Variants in NNT observed in about 807,000 individuals in gnomAD.
NNT encodes NAD(P) transhydrogenase, mitochondrial.
In NNT, 50 loss-of-function variants were observed where a neutral mutation model predicts 104.8. The ratio of observed to expected loss-of-function variants is 0.48; its 90% CI spans 0.38 to 0.60. NNT has a LOEUF of 0.60. Among genes scored for constraint, NNT ranks in the 20% least tolerant of loss-of-function variants. The pLI is 0.00. For synonymous variants in NNT, 461 were observed against 490.4 expected, an observed-to-expected ratio of 0.94 and a Z score of 0.79; for missense variants, 1,131 against 1,330.7, an observed-to-expected ratio of 0.85 and a Z score of 2.33.
intron 2 of NNT, among the ~76,000 whole-genome samples, chr5:43,612,627 A>G (rs1324755404): frequency 6.6e-6 from 1 of 152,096 alleles, no homozygotes; most frequent in Non-Finnish European, 1.5e-5. Context: ...TTTTTCTCCT[A>G]CAAATCAACT....
intron 7 of NNT, among the ~76,000 whole-genome samples, chr5:43,628,932 A>G (rs1044049644): frequency 2.0e-5 from 3 of 146,524 alleles, no homozygotes; most frequent in South Asian, 2.1e-4. Flanking sequence ...CTGTGTGTAC[A>G]ATGTTTTTTT....
Position 43,653,132 on chromosome 5 carries a change from G to T in NNT, c.1978G>T (p.Ala660Ser). The T allele has an allele frequency of 1.2e-6, 2 of 1,614,142 alleles. No homozygotes were observed. The highest frequency in any genetic ancestry group is 1.7e-6 in the Non-Finnish European group (2 of 1,180,040). The change falls in exon 14 of 22, where the codon GCA (alanine) becomes TCA (serine). Residue 660 changes from alanine to serine, a missense_variant. By Grantham distance (99) the Ala-to-Ser change is moderately conservative. Coordinates refer to ENST00000344920, the MANE Select transcript of NNT (RefSeq NM_182977.3). ...LGMIGVAGGL[A>S]ATLGVLKPGP... Reference sequence around the variant, plus strand: ...CATGATTGGGGTTGCTGGAGGACTGGCAGCCACCCTCGGAGTCCTAAAACC... The same window carrying T: ...CATGATTGGGGTTGCTGGAGGACTGTCAGCCACCCTCGGAGTCCTAAAACC...
At chr5:43,679,094 T>C (rs34079397) in intron 19 of NNT, among the ~76,000 whole-genome samples, 5,142 of 152,322 alleles carry the variant, frequency 0.034, 135 homozygotes, top group East Asian at 0.12. Flanking sequence ...TAAATTTTTG[T>C]ATAAGAAGTC....
At chr5:43,683,662 G>A (rs936167902) in intron 19 of NNT, among the ~76,000 whole-genome samples, 1 of 152,112 alleles carries the variant, frequency 6.6e-6, no homozygotes, top group Non-Finnish European at 1.5e-5. Flanking sequence ...TCATTTTATT[G>A]AGCTCATTAG....
intron 7 of NNT, among the ~76,000 whole-genome samples, chr5:43,636,849 A>T (rs1309467972): frequency 6.6e-6 from 1 of 152,170 alleles, no homozygotes; most frequent in Non-Finnish European, 1.5e-5. Flanking sequence ...AATCCTTTCA[A>T]AATTTTTATA....
chr5:43,654,711 A>G (rs1195225593), intron 14 of NNT, among the ~76,000 whole-genome samples: 1 of 152,206 alleles, frequency 6.6e-6, no homozygotes. Flanking sequence ...ATTATTTGAA[A>G]ATTGTGTGCT....
intron 17 of NNT, among the ~76,000 whole-genome samples, chr5:43,672,878 A>G (rs1212144471): frequency 5.9e-5 from 9 of 152,206 alleles, no homozygotes; most frequent in Non-Finnish European, 7.4e-5. Flanking sequence ...CCCTGCCCCC[A>G]GAGGTGGAGT....
chr5:43,667,318 A>G (rs956119222), intron 17 of NNT: 4 of 607,120 alleles, frequency 6.6e-6, no homozygotes, highest in African/African-American at 3.7e-5. Context: ...CATGTGCACA[A>G]CGTGCAGGTT....
intron 7 of NNT, among the ~76,000 whole-genome samples, chr5:43,634,090 A>G (rs1750814892): frequency 6.6e-6 from 1 of 152,148 alleles, no homozygotes; most frequent in South Asian, 2.1e-4. Context: ...GGGTGGCCAT[A>G]CTTTTTGTTT....
chr5:43,673,246 C>T lies in NNT; in HGVS notation c.2635-2265C>T, dbSNP rs908535004. Among the ~76,000 whole-genome samples, 4 of 152,214 alleles carry T rather than the reference C, an allele frequency of 2.6e-5. No individual in the cohort carries two copies. In the South Asian group the frequency reaches 6.2e-4, roughly 24 times the overall value. On this transcript the variant is annotated intron_variant, in intron 17 of 21. Transcript: ENST00000344920. ...CTTGTGCTTCCCAGGTGAGGCAATG[C>T]CTCGCCCTGCTTTGGCTCACGCTTG...
At chr5:43,695,959 T>A (rs1366982519) in intron 19 of NNT, among the ~76,000 whole-genome samples, 1 of 152,140 alleles carries the variant, frequency 6.6e-6, no homozygotes, top group Admixed American at 6.5e-5. Context: ...CACACGGGAA[T>A]TCAAGATGAC....
chr5:43,656,706 G>A lies in NNT; in HGVS notation c.2347G>A (p.Gly783Ser). ...LLPGRHLLNA[G>S]LLAASVGGII... is the part of the protein sequence containing the mutation. ...GCCTGGAAGGCACTTACTCAATGCA[G>A]GCTTACTGGCTGCTAGTGTGGGCGG... Residue 783 changes from glycine (G) to serine (S), a missense_variant, in exon 16 of 22, where the codon GGC becomes AGC. Physicochemically the swap from Gly to Ser is moderately conservative, Grantham distance 56. Transcript: ENST00000344920. 1 of 1,614,176 alleles carries A rather than the reference G, an allele frequency of 6.2e-7. No individual in the cohort carries two copies. The highest frequency in any genetic ancestry group is 1.3e-5 in the African/African-American group (1 of 75,052).
At chr5:43,627,787 G>T (rs567188082) in intron 6 of NNT, among the ~76,000 whole-genome samples, 298 of 152,132 alleles carry the variant, frequency 2.0e-3, no homozygotes, top group Non-Finnish European at 2.7e-3. Context: ...ATTTTTGTGG[G>T]AAAGGTCTCT....
In NNT at chr5:43,653,034, C is replaced by T. The variant is rs41271081; in HGVS notation, c.1880C>T (p.Ser627Leu). 35 of 1,612,490 alleles carry T rather than the reference C, an allele frequency of 2.2e-5. No homozygotes were observed. The highest frequency in any genetic ancestry group is 2.7e-5 in the African/African-American group (2 of 74,988). Residue 627 changes from serine to leucine, a missense_variant, in exon 14 of 22, where the codon TCG becomes TTG. Coordinates refer to ENST00000344920, the MANE Select transcript of NNT (RefSeq NM_182977.3). ...TTTGAAAAGATCATGTACCTAGGCT[C>T]GGGTTTGTGCTGTGTCGGTGCCTTG... ...YNIEQIMYLG[S>L]GLCCVGALAG...
rs1580146836 is a variant in NNT at position 43,706,487 on chromosome 5, G to T, written c.*2083G>T. 1.3e-5 allele frequency: 2 copies of T among 151,162 alleles called. No individual in the cohort carries two copies. The highest frequency in any genetic ancestry group is 6.6e-5 in the Admixed American group (1 of 15,180). The allele number at this position is 151,162 out of a possible 1,614,324, so 9.4% of individuals were successfully genotyped here. A position where few individuals can be genotyped will look rare whatever the true frequency, so the allele number is the denominator to read the frequency against. ...CACCAAAAAAAAAAAATTATCTGTA[G>T]GTAGTGAAATGCTAATGTTGATTTG... On this transcript the variant is annotated 3_prime_UTR_variant, in exon 22 of 22. Transcript: ENST00000344920.
intron 17 of NNT, among the ~76,000 whole-genome samples, chr5:43,674,728 T>G (rs749192566): frequency 9.2e-5 from 14 of 152,218 alleles, no homozygotes; most frequent in Non-Finnish European, 1.8e-4. Context: ...ACAAATGAAC[T>G]GTTTTCAAAA....
At position 43,644,596 on chromosome 5, in the gene NNT, A is replaced by T. The variant is rs1561284995; in HGVS notation, c.1099-15A>T. The T allele has an allele frequency of 1.9e-6, 3 of 1,593,018 alleles. No individual in the cohort carries two copies. The highest frequency in any genetic ancestry group is 1.8e-5 in the Admixed American group (1 of 54,834). ...AGGGTGATAGACCTTTTTGACTATAATTTTGTTCATTTAGGGAATTACTCA... is the reference window on the plus strand; with the variant it reads ...AGGGTGATAGACCTTTTTGACTATATTTTTGTTCATTTAGGGAATTACTCA... On this transcript the variant is annotated splice_polypyrimidine_tract_variant and intron_variant, in intron 8 of 21. Coordinates refer to ENST00000344920, the MANE Select transcript of NNT (RefSeq NM_182977.3).
At chr5:43,701,239 C>T (rs1229312614) in intron 20 of NNT, among the ~76,000 whole-genome samples, 1 of 152,184 alleles carries the variant, frequency 6.6e-6, no homozygotes, top group Admixed American at 6.5e-5. Context: ...ATCCCTCACT[C>T]CCCATTCTGG....
At chr5:43,691,070 A>AGAGAGAGAGTGTGTGT (rs1245517310) in intron 19 of NNT, among the ~76,000 whole-genome samples, 2 of 137,400 alleles carry the variant, frequency 1.5e-5, no homozygotes, top group African/African-American at 5.5e-5. Flanking sequence ...TTTTTGAGAG[A>AGAGAGAGAGTGTGTGT]GTGTGTGTGT....
Sources: allele counts gnomAD v4.1 joint callset (sites outside exome capture counted in the v4.1 genomes callset), GRCh38; gene constraint gnomAD v4.1.1; transcripts MANE v1.5; gene names NCBI Gene and HGNC (gene_info 2026-07-23, HGNC 2026-07-21).